Variants in SPPL3 observed in about 807,000 individuals in gnomAD.
SPPL3 encodes the protein signal peptide peptidase-like 3.
Under a neutral mutation model 42.4 loss-of-function variants are expected in SPPL3, and 5 were observed. The ratio of observed to expected loss-of-function variants is 0.12; its 90% CI spans 0.06 to 0.25. SPPL3 has a LOEUF of 0.25. SPPL3 is among the 10% of genes least tolerant of loss of function. The probability of loss-of-function intolerance (pLI) is 1.00; values close to 1 mark genes in which losing one functional copy is unlikely to be tolerated. For missense variants in SPPL3, 235 were observed against 489.0 expected (o/e 0.48, Z 4.90); for synonymous variants, 195 against 181.8 (o/e 1.07, Z -0.58).
chr12:120,843,271 G>A (rs969852069), intron 1 of SPPL3, among the ~76,000 whole-genome samples: 1 of 152,136 alleles, frequency 6.6e-6, no homozygotes, highest in Non-Finnish European at 1.5e-5. Context: ...ACAATTACCT[G>A]TTACATCTAT....
intron 1 of SPPL3, among the ~76,000 whole-genome samples, chr12:120,821,233 C>G (rs960440984): frequency 6.6e-6 from 1 of 152,144 alleles, no homozygotes; most frequent in African/African-American, 2.4e-5. Context: ...AAAGAAGACC[C>G]CACATTAAAG....
intron 1 of SPPL3, among the ~76,000 whole-genome samples, chr12:120,830,006 AAAAG>A (rs1871347582): frequency 1.3e-5 from 2 of 151,526 alleles, no homozygotes; most frequent in South Asian, 2.1e-4. Flanking sequence ...AAAAAAAAAA[AAAAG>A]AAGAGTAAAT....
At chr12:120,835,494 A>ACTGTG (rs1264412799) in intron 1 of SPPL3, 2 of 152,222 alleles carry the variant, frequency 1.3e-5, no homozygotes, top group East Asian at 3.8e-4. Flanking sequence ...CCTCTGACCC[A>ACTGTG]CTGTGCTGTC....
intron 2 of SPPL3, among the ~76,000 whole-genome samples, chr12:120,806,631 G>A (rs563297669): frequency 1.3e-5 from 2 of 151,992 alleles, no homozygotes; most frequent in Admixed American, 1.3e-4. Flanking sequence ...GGTGGATCAC[G>A]AGGTCAGGAG....
rs370056031 is a variant in SPPL3 at position 120,844,453 on chromosome 12, C to T, written c.24-33567G>A. ...CTGTTTAAAATCCTCTAACAGCCTC[C>T]CATCGTGCTGATAAAACCCAAGCTC... On this transcript the variant is annotated intron_variant, in intron 1 of 10. Coordinates refer to ENST00000353487, the MANE Select transcript of SPPL3 (RefSeq NM_139015.5). Among the ~76,000 whole-genome samples the T allele has an allele frequency of 4.6e-5, 7 of 152,150 alleles. No individual in the cohort carries two copies. The South Asian group carries it at 6.2e-4, about 14-fold the overall frequency.
intron 1 of SPPL3, among the ~76,000 whole-genome samples, chr12:120,871,131 A>AAAAAAAAAAAC (rs1872909498): frequency 1.4e-5 from 1 of 69,406 alleles, no homozygotes; most frequent in Admixed American, 2.1e-4. Flanking sequence ...CTCCGTCTCC[A>AAAAAAAAAAAC]AAAAAAAAAA....
chr12:120,900,168 T>TTA (rs1312119236), intron 1 of SPPL3, among the ~76,000 whole-genome samples: 1 of 152,106 alleles, frequency 6.6e-6, no homozygotes, highest in Admixed American at 6.6e-5. Context: ...TTACATCTTA[T>TTA]TATACGAAAA....
In SPPL3 at chr12:120,782,753, C is replaced by T; in HGVS notation, c.404G>A (p.Cys135Tyr). 1 of 1,605,890 alleles carries T rather than the reference C, an allele frequency of 6.2e-7. No homozygotes were observed. Among genetic ancestry groups the T allele is most frequent in the Non-Finnish European group, 8.5e-7 (1 of 1,175,402 alleles). Residue 135 changes from cysteine to tyrosine, a missense_variant, in exon 6 of 11, where the codon TGC (cysteine) becomes TAC (tyrosine). By Grantham distance (194) the Cys-to-Tyr change is radical (BLOSUM62 -2). Coordinates refer to ENST00000353487, the MANE Select transcript of SPPL3 (RefSeq NM_139015.5). ...CSPQNKISFGCCGRFTAAELL... is the reference protein window; with the variant it reads ...CSPQNKISFGYCGRFTAAELL... ...CTCAGCAGCAGTGAAACGTCCACAG[C>T]AACCAAAGGAAATCCTGGAAAACAC...
intron 6 of SPPL3, among the ~76,000 whole-genome samples, chr12:120,771,787 G>A (rs1869132948): frequency 6.6e-6 from 1 of 152,152 alleles, no homozygotes; most frequent in South Asian, 2.1e-4. Flanking sequence ...TCCCTGGCCA[G>A]GGAGGGCACT....
At chr12:120,844,040 G>C (rs1304576118) in intron 1 of SPPL3, among the ~76,000 whole-genome samples, 1 of 152,148 alleles carries the variant, frequency 6.6e-6, no homozygotes. Flanking sequence ...ACCTACACCT[G>C]TAGCCCTGTC....
At chr12:120,804,430 GAA>G (rs1372442779) in intron 2 of SPPL3, among the ~76,000 whole-genome samples, 1 of 152,200 alleles carries the variant, frequency 6.6e-6, no homozygotes, top group Middle Eastern at 3.4e-3. Context: ...AAAATGGACA[GAA>G]GAGTTGAAAA....
chr12:120,863,857 C>A (rs1361822479), intron 1 of SPPL3, among the ~76,000 whole-genome samples: 1 of 105,318 alleles, frequency 9.5e-6, no homozygotes. Flanking sequence ...TTCTTTTTTT[C>A]TTGCAGAGAT....
chr12:120,878,313 A>T (rs1873175644), intron 1 of SPPL3, among the ~76,000 whole-genome samples: 1 of 152,224 alleles, frequency 6.6e-6, no homozygotes, highest in Non-Finnish European at 1.5e-5. Context: ...CATATTTCCA[A>T]TGAAATCATT....
At chr12:120,767,734 G>A in intron 8 of SPPL3, 141 bp from the exon 9 acceptor site, 1 of 876,874 alleles carries the variant, frequency 1.1e-6, no homozygotes, top group South Asian at 1.7e-5. Context: ...TGGAACATTA[G>A]TTTTAAGAGT....
chr12:120,876,620 A>AAAAAAAAAG (rs1272069211), intron 1 of SPPL3, among the ~76,000 whole-genome samples: 1 of 148,996 alleles, frequency 6.7e-6, no homozygotes, highest in African/African-American at 2.5e-5. Flanking sequence ...CTGTCTCAAA[A>AAAAAAAAAG]AAAAAAAAAA....
intron 2 of SPPL3, among the ~76,000 whole-genome samples, chr12:120,798,315 G>A (rs540406904): frequency 6.6e-6 from 1 of 152,172 alleles, no homozygotes; most frequent in Non-Finnish European, 1.5e-5. Context: ...AGACACATTA[G>A]CAGAGATTAA....
intron 2 of SPPL3, among the ~76,000 whole-genome samples, chr12:120,807,243 A>T (rs746918935): frequency 6.6e-6 from 1 of 152,182 alleles, no homozygotes; most frequent in Non-Finnish European, 1.5e-5. Context: ...TTACTACTAG[A>T]ATGGCTATAA....
chr12:120,764,201 A>G lies in SPPL3; in HGVS notation c.*798T>C, dbSNP rs1041799810. On this transcript the variant is annotated 3_prime_UTR_variant, in exon 11 of 11. Transcript: ENST00000353487. ...AAGGACAGCAGCTTATCCATATACA[A>G]GGAAGCCACAGTAAACTGCTCGACA... is the stretch of plus-strand genomic sequence containing the variant. 5 of 152,358 alleles carry G rather than the reference A, an allele frequency of 3.3e-5. No individual in the cohort carries two copies. Among genetic ancestry groups the G allele is most frequent in the African/African-American group, 7.2e-5 (3 of 41,452 alleles). The allele number at this position is 152,358 out of a possible 1,614,324, so 9.4% of individuals were successfully genotyped here.
chr12:120,836,911 C>G (rs1871638835), intron 1 of SPPL3, among the ~76,000 whole-genome samples: 1 of 152,074 alleles, frequency 6.6e-6, no homozygotes, highest in Admixed American at 6.6e-5. Context: ...ATGCCAATAT[C>G]CTGATTGTGT....
Sources: gnomAD v4.1 joint callset for allele counts (sites outside exome capture counted in the v4.1 genomes callset) on GRCh38, gnomAD v4.1.1 for gene constraint, MANE v1.5 for transcripts, NCBI Gene and HGNC (gene_info 2026-07-23, HGNC 2026-07-21) for gene names.